Variants in DPP10 observed in about 807,000 individuals in gnomAD.
DPP10 encodes the protein inactive dipeptidyl peptidase 10.
A neutral mutation model predicts 120.9 loss-of-function variants in DPP10; 33 were observed. The ratio of observed to expected loss-of-function variants is 0.27; its 90% CI spans 0.21 to 0.37. The LOEUF is 0.37. DPP10 is among the 10% of genes least tolerant of loss of function. The pLI is 1.00. For missense variants in DPP10, 816 were observed against 942.8 expected (o/e 0.87, Z 1.76); for synonymous variants, 337 against 326.1 (o/e 1.03, Z -0.36).
chr2:114,446,169 C>T (rs554222199), intron 1 of DPP10, among the ~76,000 whole-genome samples: 1 of 152,294 alleles, frequency 6.6e-6, no homozygotes, highest in East Asian at 1.9e-4. Context: ...GTTTTTCCTT[C>T]ACCATTATGG....
intron 1 of DPP10, among the ~76,000 whole-genome samples, chr2:114,678,999 A>C (rs186914568): frequency 6.6e-6 from 1 of 152,156 alleles, no homozygotes; most frequent in East Asian, 1.9e-4. Context: ...ATTTGTATCC[A>C]AACAATTTGA....
chr2:115,147,393 T>C (rs1449940375), intron 1 of DPP10, among the ~76,000 whole-genome samples: 1 of 152,054 alleles, frequency 6.6e-6, no homozygotes, highest in East Asian at 1.9e-4. Context: ...GAATTGCCTG[T>C]GTTCAAATCT....
At chr2:115,155,718 C>A (rs1034505962) in intron 1 of DPP10, among the ~76,000 whole-genome samples, 6 of 152,220 alleles carry the variant, frequency 3.9e-5, no homozygotes, top group African/African-American at 1.4e-4. Flanking sequence ...TGACTGCATT[C>A]TAAAATTATA....
rs543435868 is a variant in DPP10 at position 115,459,969 on chromosome 2, A to G, written c.272-39541A>G. 1.1e-4 allele frequency among the ~76,000 whole-genome samples: 15 copies of G among 137,986 alleles called. No homozygotes were observed. In the Admixed American group the frequency reaches 1.1e-3, roughly 10 times the overall value. 90.5% of individuals were successfully genotyped at this position (137,986 alleles called of 152,430 possible). A position where few individuals can be genotyped will look rare whatever the true frequency, so the allele number is the denominator to read the frequency against. On this transcript the variant is annotated intron_variant, in intron 3 of 25. Coordinates refer to ENST00000410059, the MANE Select transcript of DPP10 (RefSeq NM_020868.6). The stretch of plus-strand genomic sequence containing the variant: ...CACACACCTTTGTTTGCATTATTAT[A>G]CTAGATATTGTGGCTATAAAACAGA...
At chr2:115,040,688 T>G (rs1203652579) in intron 1 of DPP10, among the ~76,000 whole-genome samples, 2 of 152,008 alleles carry the variant, frequency 1.3e-5, no homozygotes, top group Non-Finnish European at 2.9e-5. Context: ...CCCTCAGTGT[T>G]GCTCTTGTAA....
chr2:115,238,582 A>T (rs2058114208), intron 1 of DPP10, among the ~76,000 whole-genome samples: 1 of 152,170 alleles, frequency 6.6e-6, no homozygotes, highest in Non-Finnish European at 1.5e-5. Flanking sequence ...AGGTGGTGGA[A>T]ATAAAAAGAT....
At chr2:115,366,064 G>A (rs2065059844) in intron 3 of DPP10, among the ~76,000 whole-genome samples, 1 of 151,908 alleles carries the variant, frequency 6.6e-6, no homozygotes, top group South Asian at 2.1e-4. Flanking sequence ...TCAGTGGTTG[G>A]CAGTCAGAGC....
At chr2:115,563,798 A>G (rs924132382) in intron 5 of DPP10, among the ~76,000 whole-genome samples, 1 of 152,208 alleles carries the variant, frequency 6.6e-6, no homozygotes, top group Non-Finnish European at 1.5e-5. Flanking sequence ...AAAATATCAA[A>G]CACTTATATA....
chr2:114,721,074 C>T (rs943476116), intron 1 of DPP10, among the ~76,000 whole-genome samples: 1 of 152,240 alleles, frequency 6.6e-6, no homozygotes, highest in Non-Finnish European at 1.5e-5. Flanking sequence ...TAACCTATCC[C>T]ACCCTGACGA....
chr2:115,174,256 T>C (rs891135483), intron 1 of DPP10, among the ~76,000 whole-genome samples: 3 of 152,158 alleles, frequency 2.0e-5, no homozygotes, highest in Non-Finnish European at 4.4e-5. Flanking sequence ...AAGACAGTAT[T>C]GATCGCTTTC....
chr2:115,569,139 A>T (rs1284823125), intron 5 of DPP10, among the ~76,000 whole-genome samples: 2 of 152,234 alleles, frequency 1.3e-5, no homozygotes, highest in Non-Finnish European at 1.5e-5. Context: ...AAACCACGTT[A>T]CAGAGAGATA....
intron 5 of DPP10, among the ~76,000 whole-genome samples, chr2:115,554,450 C>A (rs536742438): frequency 6.6e-6 from 1 of 151,948 alleles, no homozygotes; most frequent in East Asian, 1.9e-4. Context: ...TGGGCAACAT[C>A]ACTTTGACCA....
intron 1 of DPP10, among the ~76,000 whole-genome samples, chr2:114,896,368 A>C (rs997403112): frequency 1.3e-5 from 2 of 152,212 alleles, no homozygotes; most frequent in African/African-American, 2.4e-5. Context: ...ACCCACGAGC[A>C]TGGAATGTTC....
In DPP10 at chr2:114,820,836, C is replaced by G. The variant is rs531102021; in HGVS notation, c.60+377998C>G. 2.0e-5 allele frequency among the ~76,000 whole-genome samples: 3 copies of G among 152,314 alleles called. No homozygotes were observed. In the South Asian group the frequency reaches 6.2e-4, roughly 32 times the overall value. On this transcript the variant is annotated intron_variant, in intron 1 of 25. Coordinates refer to ENST00000410059, the MANE Select transcript of DPP10 (RefSeq NM_020868.6). ...AGATTTGGGTGGGTGCACAGCCAAA[C>G]CATATCATTCTTCCCCTGGACCCTC... is the stretch of plus-strand genomic sequence containing the variant.
chr2:114,563,704 G>A (rs1301188929), intron 1 of DPP10, among the ~76,000 whole-genome samples: 1 of 152,144 alleles, frequency 6.6e-6, no homozygotes, highest in East Asian at 1.9e-4. Context: ...GTTTTTCTTA[G>A]GCATGTGCAT....
intron 19 of DPP10, among the ~76,000 whole-genome samples, chr2:115,801,210 G>C (rs1575817742): frequency 6.6e-6 from 1 of 152,118 alleles, no homozygotes; most frequent in East Asian, 1.9e-4. Flanking sequence ...GTGAATGGGA[G>C]TTCACTCATG....
intron 4 of DPP10, among the ~76,000 whole-genome samples, chr2:115,506,143 T>C (rs1421914863): frequency 6.6e-6 from 1 of 152,128 alleles, no homozygotes; most frequent in Non-Finnish European, 1.5e-5. Context: ...TACTTCAGTC[T>C]ACACAGCTTT....
intron 1 of DPP10, among the ~76,000 whole-genome samples, chr2:114,742,306 GA>G (rs1402216294): frequency 3.3e-5 from 5 of 150,212 alleles, no homozygotes; most frequent in Non-Finnish European, 5.9e-5. Context: ...TTAAAATAGT[GA>G]AAAAAAATTA....
At chr2:115,048,206 C>G (rs1029779604) in intron 1 of DPP10, among the ~76,000 whole-genome samples, 1 of 152,002 alleles carries the variant, frequency 6.6e-6, no homozygotes, top group Admixed American at 6.6e-5. Flanking sequence ...TCATCAGCTT[C>G]TTTTCCCTTG....
Sources: allele counts gnomAD v4.1 joint callset (sites outside exome capture counted in the v4.1 genomes callset), GRCh38; gene constraint gnomAD v4.1.1; transcripts MANE v1.5; gene names NCBI Gene and HGNC (gene_info 2026-07-23, HGNC 2026-07-21).